PTOV1: variants seen among roughly 807,000 people sequenced by gnomAD.
The protein encoded by PTOV1 is prostate tumor-overexpressed gene 1 protein.
A neutral mutation model predicts 58.0 loss-of-function variants in PTOV1; 20 were observed. The observed-to-expected ratio is 0.34, with a 90% CI of 0.24 to 0.50. The LOEUF (loss-of-function observed/expected upper bound fraction) is 0.50. Ranked by LOEUF, PTOV1 falls within the 20% of genes least tolerant of loss-of-function variation. The pLI, the probability that PTOV1 is intolerant of heterozygous loss-of-function variation, is 0.98. For missense variants in PTOV1, 593 were observed against 565.4 expected, an observed-to-expected ratio of 1.05 and a Z score of -0.50; for synonymous variants, 335 against 234.2, an observed-to-expected ratio of 1.43 and a Z score of -3.93.
At chr19:49,850,962 G>A, upstream of PTOV1, 1 of 1,535,538 alleles carries the variant, frequency 6.5e-7, no homozygotes, top group African/African-American at 1.4e-5. Context: ...TTCGGTAGGG[G>A]CTCCCGTTCC....
chr19:49,859,618 T>A (rs2074655501), intron 10 of PTOV1, among the ~76,000 whole-genome samples: 1 of 151,672 alleles, frequency 6.6e-6, no homozygotes. Context: ...AAAGGCTCCA[T>A]GTACCTCAGC....
intron 1 of PTOV1, 190 bp downstream of exon 1, chr19:49,851,689 C>A (rs2074254778): frequency 1.8e-6 from 2 of 1,095,870 alleles, no homozygotes; most frequent in Non-Finnish European, 1.1e-6. Flanking sequence ...CCCTTTGTTG[C>A]GCGTTCGGGC....
At chr19:49,857,664 C>T (rs1172682293) in intron 6 of PTOV1, 29 bp from the exon 7 acceptor site, 3 of 1,604,124 alleles carry the variant, frequency 1.9e-6, no homozygotes, top group Middle Eastern at 1.7e-4. Context: ...AGCCTGGGCC[C>T]CTCTTCCCAC....
At chr19:49,860,291 G>C (rs1173571460) in exon 12 of PTOV1, 42 of 1,612,942 alleles carry the variant, frequency 2.6e-5, no homozygotes, top group Non-Finnish European at 3.5e-5. Flanking sequence ...GGTTACCCCG[G>C]GCTGGGCCCC....
chr19:49,858,278 A>C, intron 9 of PTOV1, 164 bp downstream of exon 9: 2 of 949,416 alleles, frequency 2.1e-6, no homozygotes, highest in South Asian at 3.3e-5. Context: ...CTTGGCTTCA[A>C]GGGGTCCCAG....
chr19:49,858,253 G>A (rs1171519347), intron 9 of PTOV1, 139 bp downstream of exon 9: 1 of 1,139,044 alleles, frequency 8.8e-7, no homozygotes. Flanking sequence ...CAGGTGTGGT[G>A]GGTAGCTCCT....
At chr19:49,851,867 C>CAG in intron 1 of PTOV1, 2 of 700,868 alleles carry the variant, frequency 2.9e-6, no homozygotes, top group Non-Finnish European at 3.5e-6. Context: ...GAAATGGGGG[C>CAG]GGTTTTGGGG....
In PTOV1 at chr19:49,859,572, C is replaced by CAAA; in HGVS notation, c.1042-401_1042-399dup. ...GGGCGACAAGAGCGAAACTCAGTCTCAAAAAAAAAAAAAAAGTTTCCTCAA... is the reference window on the plus strand; with the variant it reads ...GGGCGACAAGAGCGAAACTCAGTCTCAAAAAAAAAAAAAAAAAAGTTTCCTCAA... On this transcript the variant is annotated intron_variant, in intron 10 of 11. Transcript: ENST00000391842. Among the ~76,000 whole-genome samples the CAAA allele has an allele frequency of 3.1e-5, 4 of 127,720 alleles. No homozygotes were observed. In the South Asian group the frequency reaches 9.7e-4, roughly 31 times the overall value. The allele number at this position is 127,720 out of a possible 152,430, so 83.8% of individuals were successfully genotyped here.
At chr19:49,857,400 G>T (rs1053903669) in intron 6 of PTOV1, 3 of 609,726 alleles carry the variant, frequency 4.9e-6, no homozygotes, top group Admixed American at 3.0e-5. Flanking sequence ...GGATCGTCCT[G>T]CGGCTGGAAG....
At chr19:49,860,543 T>C in exon 12 of PTOV1, 2 of 594,270 alleles carry the variant, frequency 3.4e-6, no homozygotes, top group Non-Finnish European at 5.9e-6. Context: ...GCCAGGCCTC[T>C]GCTCACAGGG....
intron 9 of PTOV1, 86 bp from the exon 10 acceptor site, chr19:49,858,463 C>T: frequency 1.8e-6 from 2 of 1,113,248 alleles, no homozygotes; most frequent in Non-Finnish European, 1.3e-6. Flanking sequence ...TCAGTTTGGT[C>T]CTGGGCCCGG....
Position 49,851,713 on chromosome 19 carries a change from TGG to T in PTOV1, c.171+218_171+219del, listed in dbSNP as rs1491216473. The T allele has an allele frequency of 1.4e-5, 11 of 786,614 alleles. No individual in the cohort carries two copies. The Admixed American group carries it at 6.9e-4, about 49-fold the overall frequency. 48.7% of individuals were successfully genotyped at this position (786,614 alleles called of 1,614,324 possible). A position where few individuals can be genotyped will look rare whatever the true frequency, so the allele number is the denominator to read the frequency against. ...GCGCGTTCGGGCCGGGGTGGGGGGT[TGG>T]GGGACGGGGGCGGGGCGGGCTCATA... On this transcript the variant is annotated intron_variant, in intron 1 of 11. Coordinates refer to ENST00000391842, the Ensembl canonical transcript of PTOV1.
intron 1 of PTOV1, chr19:49,852,075 G>A: frequency 1.0e-6 from 1 of 985,392 alleles, no homozygotes; most frequent in African/African-American, 1.7e-5. Context: ...CAGGTACTTT[G>A]GGCTGCACAC....
intron 6 of PTOV1, 39 bp downstream of exon 6, chr19:49,857,169 G>C (rs1256327745): frequency 6.2e-7 from 1 of 1,611,520 alleles, no homozygotes; most frequent in Non-Finnish European, 8.5e-7. Context: ...GGACAGAGGG[G>C]GATTAGACCC....
At chr19:49,860,388 G>T (rs994107817) in exon 12 of PTOV1, 5 of 1,239,518 alleles carry the variant, frequency 4.0e-6, no homozygotes, top group South Asian at 1.4e-5. Flanking sequence ...ATGTGGGGGG[G>T]GTGGGGTTGG....
At chr19:49,858,306 G>A in intron 9 of PTOV1, 192 bp downstream of exon 9, 3 of 799,712 alleles carry the variant, frequency 3.8e-6, no homozygotes, top group Non-Finnish European at 5.9e-6. Flanking sequence ...GCTGGTGGCT[G>A]TGCAGGGACT....
At position 49,857,636 on chromosome 19, in the gene PTOV1, A is replaced by G. The variant is rs1466968292; in HGVS notation, c.715-57A>G. The G allele has an allele frequency of 2.6e-6, 4 of 1,517,726 alleles. No individual in the cohort carries two copies. In the African/African-American group the frequency reaches 5.5e-5, roughly 21 times the overall value. The allele number at this position is 1,517,726 out of a possible 1,614,324, so 94.0% of individuals were successfully genotyped here. ...GGAGGGATGGCAGGCCCCAGGACAGACAGACAGGTTTCCCAGGAGCCTGGG... is the reference window on the plus strand; with the variant it reads ...GGAGGGATGGCAGGCCCCAGGACAGGCAGACAGGTTTCCCAGGAGCCTGGG... On this transcript the variant is annotated intron_variant, in intron 6 of 11. Transcript: ENST00000391842.
intron 5 of PTOV1, 29 bp downstream of exon 5, chr19:49,855,106 T>C: frequency 1.9e-6 from 3 of 1,543,702 alleles, no homozygotes; most frequent in East Asian, 2.4e-5. Context: ...CTTGTAGCAC[T>C]GTGGTGACAA....
chr19:49,851,551 C>A lies in PTOV1; in HGVS notation c.171+52C>A, dbSNP rs1030974441. On this transcript the variant is annotated intron_variant, in intron 1 of 11. Transcript: ENST00000391842. ...CCTTCCACGGCCCCGCCCCCCCAGCCCCTATCCCGGGCTCACGCCTTTGTC... is the reference window on the plus strand; with the variant it reads ...CCTTCCACGGCCCCGCCCCCCCAGCACCTATCCCGGGCTCACGCCTTTGTC... 5 of 1,095,434 alleles carry A rather than the reference C, an allele frequency of 4.6e-6. No homozygotes were observed. In the African/African-American group the frequency reaches 4.9e-5, roughly 11 times the overall value. 67.9% of individuals were successfully genotyped at this position (1,095,434 alleles called of 1,614,324 possible). A position where few individuals can be genotyped will look rare whatever the true frequency, so the allele number is the denominator to read the frequency against.
Sources: allele counts gnomAD v4.1 joint callset (sites outside exome capture counted in the v4.1 genomes callset), GRCh38; gene constraint gnomAD v4.1.1; transcripts MANE v1.5; gene names NCBI Gene and HGNC (gene_info 2026-07-23, HGNC 2026-07-21).